GRM7: variants seen among roughly 807,000 people sequenced by gnomAD.
GRM7 encodes metabotropic glutamate receptor 7.
In GRM7, 35 loss-of-function variants were observed where a neutral mutation model predicts 84.5. The observed-to-expected ratio is 0.41, with a 90% CI of 0.32 to 0.55. The LOEUF (loss-of-function observed/expected upper bound fraction) is 0.55. GRM7 is among the 20% of genes least tolerant of loss of function. GRM7 has a pLI of 0.19. For synonymous variants in GRM7, 487 were observed against 455.1 expected (o/e 1.07, Z -0.89); for missense variants, 1,003 against 1,194.6 (o/e 0.84, Z 2.36).
chr3:7,567,951 G>C (rs1357587931), intron 7 of GRM7, among the ~76,000 whole-genome samples: 1 of 152,090 alleles, frequency 6.6e-6, no homozygotes, highest in South Asian at 2.1e-4. Flanking sequence ...TCATCTAGCA[G>C]GGTGTCCCAG....
At chr3:7,364,899 C>T (rs900014973) in intron 4 of GRM7, among the ~76,000 whole-genome samples, 21 of 151,826 alleles carry the variant, frequency 1.4e-4, no homozygotes, top group African/African-American at 5.1e-4. Flanking sequence ...GCTCATCATT[C>T]CTTTTTGCAT....
intron 7 of GRM7, among the ~76,000 whole-genome samples, chr3:7,539,843 G>T (rs1281182586): frequency 6.6e-6 from 1 of 152,094 alleles, no homozygotes; most frequent in Admixed American, 6.6e-5. Flanking sequence ...AATTTCAAAG[G>T]TGTCTTGTAT....
At chr3:7,566,400 C>G (rs1321771199) in intron 7 of GRM7, among the ~76,000 whole-genome samples, 1 of 152,092 alleles carries the variant, frequency 6.6e-6, no homozygotes, top group Non-Finnish European at 1.5e-5. Context: ...CTCATTCTTT[C>G]TCATTGAGAG....
At chr3:6,923,631 C>A (rs1697202363) in intron 1 of GRM7, among the ~76,000 whole-genome samples, 1 of 152,130 alleles carries the variant, frequency 6.6e-6, no homozygotes, top group Non-Finnish European at 1.5e-5. Context: ...TCCCCCTGCA[C>A]TGGGACTGAC....
At chr3:7,276,249 G>GTATATATATA (rs879488767) in intron 2 of GRM7, among the ~76,000 whole-genome samples, 4 of 143,662 alleles carry the variant, frequency 2.8e-5, no homozygotes, top group South Asian at 4.4e-4. Flanking sequence ...GTGTGTGTGT[G>GTATATATATA]TATATATAAT....
chr3:7,017,413 C>T (rs1239718410), intron 1 of GRM7, among the ~76,000 whole-genome samples: 1 of 151,972 alleles, frequency 6.6e-6, no homozygotes, highest in Non-Finnish European at 1.5e-5. Context: ...TTGTTAAAAC[C>T]CAAAAAATAT....
chr3:7,574,108 T>C (rs1442652204), intron 7 of GRM7, among the ~76,000 whole-genome samples: 1 of 151,918 alleles, frequency 6.6e-6, no homozygotes, highest in Non-Finnish European at 1.5e-5. Flanking sequence ...TTTTATTTTA[T>C]TTTTATTATT....
chr3:7,633,271 A>G (rs1302002049), intron 8 of GRM7, among the ~76,000 whole-genome samples: 1 of 152,236 alleles, frequency 6.6e-6, no homozygotes, highest in Non-Finnish European at 1.5e-5. Context: ...TAGTCATGAT[A>G]CTAACTCATT....
rs141167953 is a variant in GRM7, at chr3:7,265,904, T to G, written c.737-32780T>G. ...ATCTTCTTAATCCTCCTAAGTGTCC[T>G]GGGAGGCCTGGTGGGGTTACACGGA... is the stretch of plus-strand genomic sequence containing the variant. On this transcript the variant is annotated intron_variant, in intron 2 of 9. Coordinates refer to ENST00000357716, the MANE Select transcript of GRM7 (RefSeq NM_000844.4). Among the ~76,000 whole-genome samples the G allele has an allele frequency of 3.6e-3, 541 of 152,266 alleles. 3 individuals carry two copies. The highest frequency in any genetic ancestry group is 0.012 in the African/African-American group (501 of 41,554).
intron 1 of GRM7, among the ~76,000 whole-genome samples, chr3:7,016,995 G>T (rs1391949): frequency 0.43 from 65,562 of 152,028 alleles, 15,719 homozygotes; most frequent in Non-Finnish European, 0.51. Context: ...AGAGTCTTAG[G>T]CCGCACTCCA....
Position 7,547,777 on chromosome 3 carries a change from T to C in GRM7, c.1516-30645T>C, listed in dbSNP as rs115676407. 3.5e-3 allele frequency among the ~76,000 whole-genome samples: 526 copies of C among 152,128 alleles called. 3 individuals carry two copies. Among genetic ancestry groups the C allele is most frequent in the African/African-American group, 0.012 (492 of 41,496 alleles). On this transcript the variant is annotated intron_variant, in intron 7 of 9. Transcript: ENST00000357716. ...AAAAGGAAAAAATAGCCAAGCAAAA[T>C]AACGAAAGCAAAGAAACAGATAAAA...
rs1250445756 is a variant in GRM7 at position 6,862,551 on chromosome 3, C to T, written c.519+644C>T. On this transcript the variant is annotated intron_variant, in intron 1 of 9. Transcript: ENST00000357716. The surrounding 1 kb of genome is among the most constrained non-coding windows in gnomAD (Gnocchi z 5.2). ...CAGGTGGAGAGATGCTGCCCGCAGA[C>T]GTGACCCCCGGTTGGTTTGCTCCGG... is the stretch of plus-strand genomic sequence containing the variant. Among the ~76,000 whole-genome samples the T allele has an allele frequency of 6.6e-6, 1 of 152,188 alleles. No homozygotes were observed. Among genetic ancestry groups the T allele is most frequent in the African/African-American group, 2.4e-5 (1 of 41,452 alleles).
Position 7,615,885 on chromosome 3 carries a change from T to C in GRM7, c.2451+36528T>C, listed in dbSNP as rs537250879. Among the ~76,000 whole-genome samples the C allele has an allele frequency of 4.6e-5, 7 of 152,090 alleles. No individual in the cohort carries two copies. In the East Asian group the frequency reaches 9.6e-4, roughly 21 times the overall value. ...ATGTGTGTATGAGTGTATATGTATA[T>C]ATAGTATATATTACATATAAGCATA... On this transcript the variant is annotated intron_variant, in intron 8 of 9. Coordinates refer to ENST00000357716, the MANE Select transcript of GRM7 (RefSeq NM_000844.4).
intron 4 of GRM7, among the ~76,000 whole-genome samples, chr3:7,393,882 T>A (rs1396669723): frequency 2.0e-5 from 3 of 152,168 alleles, no homozygotes; most frequent in Non-Finnish European, 4.4e-5. Flanking sequence ...ACGTGGTCCA[T>A]GTAGAGACTT....
At position 7,514,952 on chromosome 3, in the gene GRM7, C is replaced by G. The variant is rs115357878; in HGVS notation, c.1515+53230C>G. On this transcript the variant is annotated intron_variant, in intron 7 of 9. Coordinates refer to ENST00000357716, the MANE Select transcript of GRM7 (RefSeq NM_000844.4). ...TTTTTTTTCTGAATTCGAGTTATGA[C>G]TGTTGAGTCACAGAAGACATCTAGT... is the stretch of plus-strand genomic sequence containing the variant. 4.2e-3 allele frequency among the ~76,000 whole-genome samples: 642 copies of G among 151,482 alleles called. 4 individuals are homozygous for G. Among genetic ancestry groups the G allele is most frequent in the African/African-American group, 0.015 (616 of 41,270 alleles).
At chr3:6,985,980 T>C (rs1694394954) in intron 1 of GRM7, among the ~76,000 whole-genome samples, 1 of 152,156 alleles carries the variant, frequency 6.6e-6, no homozygotes, top group African/African-American at 2.4e-5. Flanking sequence ...AAGTGTGAGG[T>C]GACAGCTCAT....
At chr3:7,278,535 C>A (rs1156649597) in intron 2 of GRM7, among the ~76,000 whole-genome samples, 1 of 151,962 alleles carries the variant, frequency 6.6e-6, no homozygotes, top group Non-Finnish European at 1.5e-5. Context: ...TTAATTTATT[C>A]ATTCATTATT....
chr3:7,225,878 T>C (rs532795796), intron 2 of GRM7, among the ~76,000 whole-genome samples: 21 of 152,258 alleles, frequency 1.4e-4, no homozygotes, highest in East Asian at 1.9e-4. Flanking sequence ...AATCCACTTA[T>C]AATGACTTTT....
chr3:7,461,555 A>C (rs377339891), intron 6 of GRM7, 28 bp from the exon 7 acceptor site: 27 of 1,591,984 alleles, frequency 1.7e-5, no homozygotes, highest in Middle Eastern at 1.7e-4. Flanking sequence ...TTAACTTTAG[A>C]ATCTTTCATT....
Sources: gnomAD v4.1 joint callset for allele counts (sites outside exome capture counted in the v4.1 genomes callset) on GRCh38, gnomAD v4.1.1 for gene constraint, Gnocchi (gnomAD v3.1) non-coding constraint, MANE v1.5 for transcripts, NCBI Gene and HGNC (gene_info 2026-07-23, HGNC 2026-07-21) for gene names.